The following NLRP3 variants were observed in gnomAD, a reference collection of about 807,000 sequenced individuals.
NLRP3 encodes the protein NACHT, LRR and PYD domains-containing protein 3.
In NLRP3, 48 loss-of-function variants were observed where a neutral mutation model predicts 91.3. That is an observed-to-expected ratio of 0.53 (90% CI 0.42 to 0.67). NLRP3 has a LOEUF of 0.67. Ranked by LOEUF, NLRP3 falls within the 30% of genes least tolerant of loss-of-function variation. The pLI, the probability that NLRP3 is intolerant of heterozygous loss-of-function variation, is 0.00. For missense variants in NLRP3, 982 were observed against 1,276.9 expected, an observed-to-expected ratio of 0.77 and a Z score of 3.52; for synonymous variants, 561 against 507.9, an observed-to-expected ratio of 1.10 and a Z score of -1.41.
chr1:247,428,725 C>A (rs1663088771), intron 4 of NLRP3, among the ~76,000 whole-genome samples: 1 of 151,982 alleles, frequency 6.6e-6, no homozygotes, highest in African/African-American at 2.4e-5. Flanking sequence ...GAGGCTGAGG[C>A]AAGAGGATTG....
At chr1:247,426,760 G>C (rs1178751832) in intron 4 of NLRP3, among the ~76,000 whole-genome samples, 1 of 152,182 alleles carries the variant, frequency 6.6e-6, no homozygotes, top group Non-Finnish European at 1.5e-5. Flanking sequence ...AAGGAAACTT[G>C]CAGAGTATCC....
chr1:247,429,760 G>A lies in NLRP3; in HGVS notation c.2321+5G>A. The A allele has an allele frequency of 6.2e-7, 1 of 1,613,514 alleles. No individual in the cohort carries two copies. Among genetic ancestry groups the A allele is most frequent in the African/African-American group, 1.3e-5 (1 of 75,054 alleles). On this transcript the variant is annotated splice_donor_5th_base_variant and intron_variant, in intron 5 of 9. Coordinates refer to ENST00000336119, the MANE Select transcript of NLRP3 (RefSeq NM_001243133.2). ...CTGTAACATTCGGAGATTGTGGTGA[G>A]TCCCCGTGCATGTGATCTGTGTGAG...
At chr1:247,431,599 C>T (rs144718874) in intron 5 of NLRP3, among the ~76,000 whole-genome samples, 28 of 152,274 alleles carry the variant, frequency 1.8e-4, no homozygotes, top group Non-Finnish European at 1.5e-4. Flanking sequence ...ATCTTTGCCA[C>T]GCCTGGACAG....
At chr1:247,445,952 G>A (rs991881074) in intron 9 of NLRP3, among the ~76,000 whole-genome samples, 5 of 152,110 alleles carry the variant, frequency 3.3e-5, no homozygotes, top group African/African-American at 7.2e-5. Flanking sequence ...CTGTGTCTCC[G>A]TGCTTGGCTG....
chr1:247,448,266 CTCTTTT>C, intron 9 of NLRP3, 133 bp from the exon 10 acceptor site: 1 of 593,472 alleles, frequency 1.7e-6, no homozygotes. Flanking sequence ...GTTGTGGTCC[CTCTTTT>C]TTTTTTTTTT....
At chr1:247,417,622 C>T (rs1044686453) in intron 1 of NLRP3, among the ~76,000 whole-genome samples, 3 of 152,114 alleles carry the variant, frequency 2.0e-5, no homozygotes, top group Admixed American at 6.5e-5. Flanking sequence ...GCTGGGATTA[C>T]AGGTGCCTGG....
intron 5 of NLRP3, among the ~76,000 whole-genome samples, chr1:247,433,895 A>G (rs79042548): frequency 0.019 from 1,637 of 87,824 alleles, 54 homozygotes; most frequent in Middle Eastern, 0.028. Context: ...CTCTGGTCAG[A>G]TGTGTTCTGA....
chr1:247,440,189 T>C (rs1664111134), intron 7 of NLRP3, among the ~76,000 whole-genome samples: 1 of 152,238 alleles, frequency 6.6e-6, no homozygotes, highest in Non-Finnish European at 1.5e-5. Flanking sequence ...TCTGGCTGCA[T>C]ATTGTGTACT....
chr1:247,444,020 G>A lies in NLRP3; in HGVS notation c.2712G>A (p.Ser904=), dbSNP rs761610921. 22 of 1,613,996 alleles carry A rather than the reference G, an allele frequency of 1.4e-5. No individual in the cohort carries two copies. The East Asian group carries it at 1.6e-4, about 11-fold the overall frequency. ...LTSVCCSALS[S]VLSTNQNLTH... is the part of the protein sequence containing the mutation. Reference sequence around the variant, plus strand: ...CAGTCTGTTGTTCAGCTTTGTCCTCGGTACTCAGCACTAATCAGAATCTCA... The same window carrying A: ...CAGTCTGTTGTTCAGCTTTGTCCTCAGTACTCAGCACTAATCAGAATCTCA... The change falls in exon 8 of 10, where the codon TCG becomes TCA. Residue 904 remains serine (S), a synonymous_variant. Coordinates refer to ENST00000336119, the MANE Select transcript of NLRP3 (RefSeq NM_001243133.2).
chr1:247,429,690 G>A lies in NLRP3; in HGVS notation c.2256G>A (p.Gly752=), dbSNP rs1298770385. 8.1e-6 allele frequency: 13 copies of A among 1,613,988 alleles called. No homozygotes were observed. The highest frequency in any genetic ancestry group is 1.1e-5 in the Non-Finnish European group (13 of 1,180,016). ...TGGACCTCAGTGACAATTCTCTGGGGGACCCAGGGATGAGAGTGTTGTGTG... is the reference window on the plus strand; with the variant it reads ...TGGACCTCAGTGACAATTCTCTGGGAGACCCAGGGATGAGAGTGTTGTGTG... The part of the protein sequence containing the change: ...TELDLSDNSL[G]DPGMRVLCET... The change falls in exon 5 of 10, where the codon GGG becomes GGA. Residue 752 remains glycine, a synonymous_variant. Transcript: ENST00000336119.
At chr1:247,417,572 C>G (rs1308806144) in intron 1 of NLRP3, among the ~76,000 whole-genome samples, 8 of 152,098 alleles carry the variant, frequency 5.3e-5, no homozygotes, top group African/African-American at 1.9e-4. Context: ...ACCTCCGCCT[C>G]CTGGGTTCAA....
In NLRP3 at chr1:247,420,325, A is replaced by G. The variant is rs12047222; in HGVS notation, c.277+1248A>G. 1.1e-3 allele frequency among the ~76,000 whole-genome samples: 163 copies of G among 152,160 alleles called. 2 individuals are homozygous for G. In the East Asian group the frequency reaches 0.03, roughly 28 times the overall value. ...TCTAGATATTAACCCCATATCAGAT[A>G]TATGATTTACAAATATTTTCTCCTA... On this transcript the variant is annotated intron_variant, in intron 2 of 9. Transcript: ENST00000336119.
intron 8 of NLRP3, 77 bp downstream of exon 8, chr1:247,444,219 C>A: frequency 3.5e-6 from 5 of 1,414,698 alleles, no homozygotes; most frequent in Non-Finnish European, 5.0e-6. Context: ...AGAGTGGCCA[C>A]AAGATAATCT....
At chr1:247,432,694 GT>G (rs1386949501) in intron 5 of NLRP3, among the ~76,000 whole-genome samples, 1 of 152,192 alleles carries the variant, frequency 6.6e-6, no homozygotes, top group African/African-American at 2.4e-5. Context: ...TTTGCTTGAA[GT>G]TGGTGTAAGG....
At chr1:247,448,283 T>G in intron 9 of NLRP3, 122 bp from the exon 10 acceptor site, 1 of 523,346 alleles carries the variant, frequency 1.9e-6, no homozygotes, top group Non-Finnish European at 3.5e-6. Flanking sequence ...TTTTTTTTTT[T>G]TTTTTTTACA....
At chr1:247,443,773 C>T in intron 7 of NLRP3, 199 bp from the exon 8 acceptor site, 2 of 621,190 alleles carry the variant, frequency 3.2e-6, no homozygotes. Context: ...AAAGCATCTG[C>T]TGAGACATCA....
chr1:247,447,602 C>T (rs1664666287), intron 9 of NLRP3, among the ~76,000 whole-genome samples: 1 of 152,174 alleles, frequency 6.6e-6, no homozygotes, highest in Admixed American at 6.5e-5. Flanking sequence ...ATGTGAGAGG[C>T]ATCCTGGGCA....
intron 5 of NLRP3, among the ~76,000 whole-genome samples, chr1:247,431,642 G>A (rs1447405922): frequency 2.0e-5 from 3 of 152,130 alleles, no homozygotes; most frequent in Non-Finnish European, 2.9e-5. Context: ...TCAAAAGCAC[G>A]CACTGAATGA....
At chr1:247,431,185 A>AAATAATAATAAT (rs549986882) in intron 5 of NLRP3, among the ~76,000 whole-genome samples, 1 of 150,918 alleles carries the variant, frequency 6.6e-6, no homozygotes, top group African/African-American at 2.4e-5. Context: ...TTCCATTTCA[A>AAATAATAATAAT]AATAATAATA....
Sources: gnomAD v4.1 joint callset for allele counts (sites outside exome capture counted in the v4.1 genomes callset) on GRCh38, gnomAD v4.1.1 for gene constraint, MANE v1.5 for transcripts, NCBI Gene and HGNC (gene_info 2026-07-23, HGNC 2026-07-21) for gene names.